The following FAM81A variants were observed in gnomAD, a reference collection of about 807,000 sequenced individuals.
The protein encoded by FAM81A is protein FAM81A.
In FAM81A, 19 loss-of-function variants were observed where a neutral mutation model predicts 46.7. That is an observed-to-expected ratio of 0.41 (90% CI 0.28 to 0.60). FAM81A has a LOEUF of 0.60. Ranked by LOEUF, FAM81A falls within the 20% of genes least tolerant of loss-of-function variation. The probability of loss-of-function intolerance (pLI) is 0.34; values close to 1 mark genes in which losing one functional copy is unlikely to be tolerated. For synonymous variants in FAM81A, 183 were observed against 152.9 expected, an observed-to-expected ratio of 1.20 and a Z score of -1.45; for missense variants, 377 against 453.5, an observed-to-expected ratio of 0.83 and a Z score of 1.53.
intron 2 of FAM81A, among the ~76,000 whole-genome samples, chr15:59,410,472 C>T: frequency 6.6e-6 from 1 of 152,132 alleles, no homozygotes; most frequent in Non-Finnish European, 1.5e-5. Context: ...TCCTCTGTGC[C>T]TCCCACACTC....
At chr15:59,403,232 C>G (rs377247007) in intron 2 of FAM81A, among the ~76,000 whole-genome samples, 1 of 152,094 alleles carries the variant, frequency 6.6e-6, no homozygotes, top group African/African-American at 2.4e-5. Flanking sequence ...CCCACACCCC[C>G]ACATTCATAT....
intron 3 of FAM81A, among the ~76,000 whole-genome samples, chr15:59,471,148 C>A (rs1268632086): frequency 6.6e-6 from 1 of 152,178 alleles, no homozygotes; most frequent in African/African-American, 2.4e-5. Context: ...AACCTCTTTA[C>A]ATTTTTTGAG....
chr15:59,398,261 G>T (rs1319205195), intron 1 of FAM81A, among the ~76,000 whole-genome samples: 1 of 152,122 alleles, frequency 6.6e-6, no homozygotes, highest in Non-Finnish European at 1.5e-5. Flanking sequence ...TTTTCACTCA[G>T]GTAAGTAATT....
chr15:59,520,250 C>T (rs749879495), intron 8 of FAM81A, among the ~76,000 whole-genome samples: 1 of 152,156 alleles, frequency 6.6e-6, no homozygotes, highest in Non-Finnish European at 1.5e-5. Flanking sequence ...TCCTGCATTC[C>T]CACCAACAGT....
chr15:59,483,433 A>G (rs2081879225), intron 3 of FAM81A, among the ~76,000 whole-genome samples: 1 of 152,094 alleles, frequency 6.6e-6, no homozygotes, highest in African/African-American at 2.4e-5. Flanking sequence ...TTTTACTAAG[A>G]AGTTTGAAAA....
chr15:59,522,665 G>A lies in FAM81A; in HGVS notation c.*1287G>A, dbSNP rs548418520. 2.6e-5 allele frequency: 4 copies of A among 152,660 alleles called. No individual in the cohort carries two copies. In the East Asian group the frequency reaches 7.7e-4, roughly 29 times the overall value. The allele number at this position is 152,660 out of a possible 1,614,324, so 9.5% of individuals were successfully genotyped here. On this transcript the variant is annotated 3_prime_UTR_variant, in exon 9 of 9. Coordinates refer to ENST00000288228, the MANE Select transcript of FAM81A (RefSeq NM_152450.3). ...AGTGAGACACAACGTTCTGAACTGTGAGGGTGTCCCAGGAAAAAGAAAAAC... is the reference window on the plus strand; with the variant it reads ...AGTGAGACACAACGTTCTGAACTGTAAGGGTGTCCCAGGAAAAAGAAAAAC...
intron 2 of FAM81A, among the ~76,000 whole-genome samples, chr15:59,418,883 C>T (rs2081158482): frequency 6.6e-6 from 1 of 152,176 alleles, no homozygotes; most frequent in Non-Finnish European, 1.5e-5. Flanking sequence ...GTGCAGACAG[C>T]CCTGTCCATT....
chr15:59,410,458 A>G (rs2081115536), intron 2 of FAM81A, among the ~76,000 whole-genome samples: 1 of 152,222 alleles, frequency 6.6e-6, no homozygotes, highest in Non-Finnish European at 1.5e-5. Flanking sequence ...AGTAAACCTT[A>G]TCCTCCTCTG....
intron 2 of FAM81A, among the ~76,000 whole-genome samples, chr15:59,405,524 C>T (rs1328553848): frequency 6.6e-6 from 1 of 152,014 alleles, no homozygotes; most frequent in Non-Finnish European, 1.5e-5. Context: ...GCCTGTAATC[C>T]CAGCTACTTG....
At chr15:59,438,136 C>T (rs1165874367), upstream of FAM81A, 8 of 146,268 alleles carry the variant, frequency 5.5e-5, no homozygotes, top group African/African-American at 2.0e-4. Flanking sequence ...CGCGCCGGGC[C>T]AGGCGGCAGG....
At chr15:59,482,775 A>G (rs1024674592) in intron 3 of FAM81A, among the ~76,000 whole-genome samples, 1 of 152,220 alleles carries the variant, frequency 6.6e-6, no homozygotes, top group Non-Finnish European at 1.5e-5. Flanking sequence ...GTTACTTTCT[A>G]TTGACTCTAA....
At chr15:59,471,597 G>C (rs1450452691) in intron 3 of FAM81A, among the ~76,000 whole-genome samples, 1 of 151,960 alleles carries the variant, frequency 6.6e-6, no homozygotes, top group African/African-American at 2.4e-5. Context: ...AAGTAGCTGG[G>C]ACTACAGACA....
chr15:59,505,511 C>T (rs139676548), intron 4 of FAM81A, among the ~76,000 whole-genome samples: 4,904 of 136,432 alleles, frequency 0.036, 146 homozygotes, highest in South Asian at 0.16. Context: ...GACTCTGTCT[C>T]GAAAAAAAAA....
intron 7 of FAM81A, among the ~76,000 whole-genome samples, chr15:59,515,284 T>C (rs1423919722): frequency 2.0e-5 from 3 of 152,174 alleles, no homozygotes; most frequent in Admixed American, 1.3e-4. Context: ...GTATTCAAAA[T>C]TGTTATGCTC....
chr15:59,493,043 A>G (rs577095381), intron 4 of FAM81A, among the ~76,000 whole-genome samples: 1 of 152,300 alleles, frequency 6.6e-6, no homozygotes, highest in East Asian at 1.9e-4. Context: ...TGTCCGAAGT[A>G]TTTATGGGCC....
chr15:59,499,253 G>A (rs1308137741), intron 4 of FAM81A, among the ~76,000 whole-genome samples: 1 of 152,030 alleles, frequency 6.6e-6, no homozygotes, highest in Non-Finnish European at 1.5e-5. Flanking sequence ...CAGTTTGCTA[G>A]TATTTTGTTG....
At chr15:59,437,815 C>G (rs1197640670), upstream of FAM81A, among the ~76,000 whole-genome samples, 10 of 152,150 alleles carry the variant, frequency 6.6e-5, no homozygotes, top group African/African-American at 2.4e-4. Context: ...CGTCAGGCAC[C>G]ATTTCAACAC....
At chr15:59,399,683 T>G (rs2140460713) in intron 1 of FAM81A, among the ~76,000 whole-genome samples, 1 of 152,230 alleles carries the variant, frequency 6.6e-6, no homozygotes, top group Non-Finnish European at 1.5e-5. Flanking sequence ...TCTGGCTGAT[T>G]GAAGATAGGA....
chr15:59,465,454 G>A (rs999487108), intron 3 of FAM81A, among the ~76,000 whole-genome samples: 2 of 152,074 alleles, frequency 1.3e-5, no homozygotes, highest in East Asian at 1.9e-4. Context: ...TGTATTTTTA[G>A]TAGAGACAGG....
Sources: gnomAD v4.1 joint callset for allele counts (sites outside exome capture counted in the v4.1 genomes callset) on GRCh38, gnomAD v4.1.1 for gene constraint, MANE v1.5 for transcripts, NCBI Gene and HGNC (gene_info 2026-07-23, HGNC 2026-07-21) for gene names.